Variants in RPS17 observed in about 807,000 individuals in gnomAD.
RPS17 encodes the protein ribosomal protein S17.
For missense variants in RPS17, 68 were observed against 182.3 expected (o/e 0.37, Z 3.61); for synonymous variants, 75 against 65.6 (o/e 1.14, Z -0.70).
chr15:82,538,551 T>C (rs1261001230), intron 3 of RPS17, 180 bp from the exon 4 acceptor site: 14 of 740,640 alleles, frequency 1.9e-5, no homozygotes, highest in Non-Finnish European at 3.1e-5. Flanking sequence ...CTTCTGGCCT[T>C]ACCTTCCCAT....
chr15:82,539,704 AAAAG>A (rs1476855132), intron 2 of RPS17: 20 of 585,342 alleles, frequency 3.4e-5, no homozygotes, highest in East Asian at 3.0e-4. Flanking sequence ...AAAAAGAAAA[AAAAG>A]AAAGAAAAAA....
At chr15:82,537,467 G>C (rs1287515087) in intron 4 of RPS17, 3 of 286,370 alleles carry the variant, frequency 1.0e-5, no homozygotes, top group Non-Finnish European at 2.0e-5. Context: ...AAGTACACAA[G>C]GCATCAAGCA....
intron 1 of RPS17, 110 bp from the exon 2 acceptor site, chr15:82,540,242 G>C: frequency 2.5e-6 from 4 of 1,608,224 alleles, no homozygotes; most frequent in Non-Finnish European, 2.5e-6. Context: ...CGCTGAGCCG[G>C]AGAGGGCCCG....
chr15:82,537,758 A>G, intron 4 of RPS17: 1 of 427,714 alleles, frequency 2.3e-6, no homozygotes, highest in South Asian at 1.7e-5. Context: ...TTAAACATTT[A>G]ATGACCATAA....
At chr15:82,539,803 A>G in intron 2 of RPS17, 178 bp downstream of exon 2, 1 of 1,145,168 alleles carries the variant, frequency 8.7e-7, no homozygotes, top group Non-Finnish European at 1.3e-6. Context: ...GCCAGTCATG[A>G]CACAGGCCTA....
chr15:82,538,686 G>T, intron 3 of RPS17, 194 bp downstream of exon 3: 1 of 693,358 alleles, frequency 1.4e-6, no homozygotes. Flanking sequence ...ATGAAATATG[G>T]AATAGACTTA....
intron 2 of RPS17, chr15:82,539,431 T>C: frequency 8.7e-6 from 4 of 460,182 alleles, no homozygotes; most frequent in South Asian, 6.2e-5. Context: ...CTCACGCCTG[T>C]AATCCCAGCA....
At chr15:82,538,058 C>G (rs2150887294) in intron 4 of RPS17, 1 of 554,308 alleles carries the variant, frequency 1.8e-6, no homozygotes, top group East Asian at 4.3e-5. Context: ...AAACCAAGAA[C>G]AGAAGCAGCC....
chr15:82,539,062 TATAA>T (rs1246877197), intron 2 of RPS17, 77 bp from the exon 3 acceptor site: 14 of 1,350,332 alleles, frequency 1.0e-5, no homozygotes, highest in Non-Finnish European at 1.5e-5. Context: ...CATGTGCATA[TATAA>T]ATACCCGCTT....
At chr15:82,538,441 C>T in intron 3 of RPS17, 70 bp from the exon 4 acceptor site, 1 of 1,544,822 alleles carries the variant, frequency 6.5e-7, no homozygotes, top group South Asian at 1.1e-5. Flanking sequence ...TCCTCCTCTC[C>T]CCAGGTTCTT....
intron 2 of RPS17, 60 bp from the exon 3 acceptor site, chr15:82,539,045 C>T: frequency 6.6e-7 from 1 of 1,521,860 alleles, no homozygotes; most frequent in Non-Finnish European, 9.1e-7. Flanking sequence ...CCACCTGGTA[C>T]TGAGCACATG....
At position 82,538,296 on chromosome 15, in the gene RPS17, A is replaced by C. The variant is rs1276367132; in HGVS notation, c.327+10T>G. 1 of 1,613,532 alleles carries C rather than the reference A, an allele frequency of 6.2e-7. No homozygotes were observed. Among genetic ancestry groups the C allele is most frequent in the Non-Finnish European group, 8.5e-7 (1 of 1,179,740 alleles). On this transcript the variant is annotated intron_variant, in intron 4 of 4. Coordinates refer to ENST00000647841, the MANE Select transcript of RPS17 (RefSeq NM_001021.6). ...GAAAATACCACTTTAGGAATCCAGC[A>C]AACACTTACCAAAAGCTTCAGCATT...
At chr15:82,539,417 G>A (rs1452570979) in intron 2 of RPS17, 1 of 460,822 alleles carries the variant, frequency 2.2e-6, no homozygotes, top group Non-Finnish European at 4.3e-6. Context: ...GCCGGGCGAG[G>A]TGGCTCACGC....
rs900767330 is a variant in RPS17, at chr15:82,537,373, T to G, written c.328-492A>C. The G allele has an allele frequency of 4.3e-5, 12 of 277,104 alleles. No individual in the cohort carries two copies. The East Asian group carries it at 5.4e-4, about 12-fold the overall frequency. 17.2% of individuals were successfully genotyped at this position (277,104 alleles called of 1,614,324 possible). ...CCTCTAAAGCAAAACTCTGTCCCTT[T>G]GAGAATACACAGTGCCACTTGCTTT... On this transcript the variant is annotated intron_variant, in intron 4 of 4. Transcript: ENST00000647841.
intron 3 of RPS17, 63 bp from the exon 4 acceptor site, chr15:82,538,434 T>G (rs2150887475): frequency 1.3e-6 from 2 of 1,563,986 alleles, no homozygotes; most frequent in East Asian, 4.5e-5. Flanking sequence ...CCTCTCCTCC[T>G]CCTCTCCCCA....
chr15:82,539,319 C>G, intron 2 of RPS17: 2 of 503,364 alleles, frequency 4.0e-6, no homozygotes, highest in East Asian at 1.1e-4. Context: ...AATACGTTGA[C>G]TTTGGCACTA....
At chr15:82,540,299 G>T in intron 1 of RPS17, 127 bp downstream of exon 1, 1 of 1,585,720 alleles carries the variant, frequency 6.3e-7, no homozygotes, top group Non-Finnish European at 8.6e-7. Flanking sequence ...CCGCCGGCCC[G>T]TTGCGCTCCA....
chr15:82,538,641 C>T (rs1312775911), intron 3 of RPS17: 29 of 649,300 alleles, frequency 4.5e-5, no homozygotes, highest in East Asian at 1.4e-4. Context: ...AATCGAGCCA[C>T]GACAGCAGTC....
rs1253725292 is a variant in RPS17 at position 82,537,891 on chromosome 15, G to A, written c.327+415C>T. 3 of 456,862 alleles carry A rather than the reference G, an allele frequency of 6.6e-6. No homozygotes were observed. The East Asian group carries it at 2.1e-4, about 32-fold the overall frequency. 28.3% of individuals were successfully genotyped at this position (456,862 alleles called of 1,614,324 possible). ...ACATCAAAGTGCAATGAAGATACTC[G>A]TGAACTACCTAAGTAGTGCCTTGTA... is the stretch of plus-strand genomic sequence containing the variant. On this transcript the variant is annotated intron_variant, in intron 4 of 4. Coordinates refer to ENST00000647841, the MANE Select transcript of RPS17 (RefSeq NM_001021.6).
Sources: allele counts gnomAD v4.1 joint callset, GRCh38; gene constraint gnomAD v4.1.1; transcripts MANE v1.5; gene names NCBI Gene and HGNC (gene_info 2026-07-23, HGNC 2026-07-21).